DOCK4: variants seen among roughly 807,000 people sequenced by gnomAD.
The protein encoded by DOCK4 is dedicator of cytokinesis protein 4.
In DOCK4, 97 loss-of-function variants were observed where a neutral mutation model predicts 268.1. The ratio of observed to expected loss-of-function variants is 0.36; its 90% CI spans 0.31 to 0.43. DOCK4 has a LOEUF of 0.43. Among genes scored for constraint, DOCK4 ranks in the 20% least tolerant of loss-of-function variants. DOCK4 has a pLI of 1.00. For synonymous variants in DOCK4, 954 were observed against 887.2 expected (o/e 1.08, Z -1.34); for missense variants, 2,145 against 2,455.7 (o/e 0.87, Z 2.67).
chr7:112,003,387 C>G (rs1270527241), intron 2 of DOCK4, among the ~76,000 whole-genome samples: 2 of 151,506 alleles, frequency 1.3e-5, no homozygotes, highest in Non-Finnish European at 2.9e-5. Context: ...GACCCTGTCT[C>G]AAAGAAAAAC....
chr7:111,948,080 AC>A (rs1389814229), intron 8 of DOCK4, among the ~76,000 whole-genome samples: 4 of 152,302 alleles, frequency 2.6e-5, no homozygotes, highest in African/African-American at 9.6e-5. Context: ...TCATCTTGGG[AC>A]AAAGGAATTA....
chr7:111,846,870 C>A, intron 24 of DOCK4, 129 bp downstream of exon 24: 1 of 1,130,162 alleles, frequency 8.8e-7, no homozygotes, highest in Non-Finnish European at 1.2e-6. Flanking sequence ...GCAAAAAGTC[C>A]AGCCCAGCTG....
chr7:112,063,336 T>C (rs1191311158), intron 1 of DOCK4, among the ~76,000 whole-genome samples: 1 of 152,232 alleles, frequency 6.6e-6, no homozygotes, highest in Non-Finnish European at 1.5e-5. Flanking sequence ...CCTCATTTTA[T>C]GATGGGGTTC....
chr7:111,802,982 A>G (rs146992883), intron 30 of DOCK4, among the ~76,000 whole-genome samples: 1 of 152,328 alleles, frequency 6.6e-6, no homozygotes, highest in East Asian at 1.9e-4. Flanking sequence ...TAGAACCCTA[A>G]TGCCTTTATC....
intron 1 of DOCK4, among the ~76,000 whole-genome samples, chr7:112,059,091 C>T (rs1209630724): frequency 1.4e-5 from 2 of 146,616 alleles, no homozygotes; most frequent in Non-Finnish European, 3.0e-5. Flanking sequence ...CTTTTAAGCA[C>T]ATGTAATAAT....
intron 1 of DOCK4, among the ~76,000 whole-genome samples, chr7:112,067,659 G>C (rs1036458484): frequency 6.6e-6 from 1 of 152,176 alleles, no homozygotes; most frequent in East Asian, 1.9e-4. Context: ...GCAGAGATGA[G>C]TTTCCTGCCA....
chr7:111,842,249 G>A (rs973059946), intron 25 of DOCK4, among the ~76,000 whole-genome samples: 4 of 152,154 alleles, frequency 2.6e-5, no homozygotes, highest in African/African-American at 9.7e-5. Flanking sequence ...GCAAGGGCAC[G>A]GTGTAGATTT....
At chr7:111,791,456 T>C (rs1356493066) in intron 30 of DOCK4, among the ~76,000 whole-genome samples, 2 of 151,708 alleles carry the variant, frequency 1.3e-5, no homozygotes, top group Non-Finnish European at 2.9e-5. Flanking sequence ...CTGTTTTTTT[T>C]GTTTTTTTTT....
chr7:111,866,777 CT>C (rs1317135940), intron 22 of DOCK4, among the ~76,000 whole-genome samples: 5 of 152,204 alleles, frequency 3.3e-5, no homozygotes, highest in African/African-American at 1.2e-4. Flanking sequence ...CAAGTTTCAT[CT>C]CTGTAACTGA....
At position 112,018,182 on chromosome 7, in the gene DOCK4, A is replaced by ACC. The variant is rs1802020702; in HGVS notation, c.38-14052_38-14051insGG. On this transcript the variant is annotated intron_variant, in intron 1 of 52. Transcript: ENST00000428084. ...AAAAAAAAAAAAAAAAAAAAAAAACACAGGCAACCAGTATTCATGTGGCTT... is the reference window on the plus strand; with the variant it reads ...AAAAAAAAAAAAAAAAAAAAAAAACACCCAGGCAACCAGTATTCATGTGGCTT... Among the ~76,000 whole-genome samples the ACC allele has an allele frequency of 3.7e-5, 5 of 136,356 alleles. 1 individual carries two copies. Among genetic ancestry groups the ACC allele is most frequent in the Admixed American group, 1.5e-4 (2 of 13,402 alleles). The allele number at this position is 136,356 out of a possible 152,430, so 89.5% of individuals were successfully genotyped here. A position where few individuals can be genotyped will look rare whatever the true frequency, so the allele number is the denominator to read the frequency against.
At chr7:111,995,004 A>G (rs1562971213) in intron 4 of DOCK4, among the ~76,000 whole-genome samples, 1 of 150,970 alleles carries the variant, frequency 6.6e-6, no homozygotes, top group Non-Finnish European at 1.5e-5. Context: ...AATATGCATG[A>G]GGAGATGGGG....
At chr7:112,175,355 C>T in intron 1 of DOCK4, among the ~76,000 whole-genome samples, 1 of 152,130 alleles carries the variant, frequency 6.6e-6, no homozygotes, top group East Asian at 1.9e-4. Flanking sequence ...TTTTAAAAAA[C>T]CTGAAAAAGC....
At chr7:111,909,978 A>T (rs978507358) in intron 13 of DOCK4, among the ~76,000 whole-genome samples, 1 of 138,496 alleles carries the variant, frequency 7.2e-6, no homozygotes, top group African/African-American at 2.9e-5. Context: ...AAGAAAAAAG[A>T]AAAAAAAAAA....
intron 36 of DOCK4, among the ~76,000 whole-genome samples, chr7:111,776,553 C>T (rs951623314): frequency 1.3e-5 from 2 of 152,064 alleles, no homozygotes; most frequent in African/African-American, 2.4e-5. Flanking sequence ...TGGTACAACA[C>T]CAAAAGGCCC....
intron 12 of DOCK4, among the ~76,000 whole-genome samples, chr7:111,929,594 C>T (rs1314261505): frequency 6.6e-6 from 1 of 152,198 alleles, no homozygotes; most frequent in Non-Finnish European, 1.5e-5. Flanking sequence ...AAAATGACTA[C>T]ATTGGTATGT....
chr7:111,856,542 AAAAACAG>A (rs1484248382), intron 23 of DOCK4, among the ~76,000 whole-genome samples: 1 of 152,268 alleles, frequency 6.6e-6, no homozygotes, highest in African/African-American at 2.4e-5. Context: ...CAACAACAAC[AAAAACAG>A]AAAACCCAAA....
chr7:111,834,755 C>T, intron 25 of DOCK4, 69 bp from the exon 26 acceptor site: 1 of 1,033,822 alleles, frequency 9.7e-7, no homozygotes, highest in Non-Finnish European at 1.4e-6. Context: ...CAGTAACTTA[C>T]ACTGAACTGT....
At chr7:112,026,717 C>T (rs1055114665) in intron 1 of DOCK4, among the ~76,000 whole-genome samples, 1 of 152,200 alleles carries the variant, frequency 6.6e-6, no homozygotes, top group Admixed American at 6.5e-5. Context: ...TGCTTTTGCA[C>T]TATAATGACA....
At chr7:112,117,720 G>A (rs952413688) in intron 1 of DOCK4, among the ~76,000 whole-genome samples, 20 of 152,142 alleles carry the variant, frequency 1.3e-4, no homozygotes, top group African/African-American at 3.4e-4. Context: ...TGGATGTTGC[G>A]TCTGTTTGCC....
Sources: gnomAD v4.1 joint callset for allele counts (sites outside exome capture counted in the v4.1 genomes callset) on GRCh38, gnomAD v4.1.1 for gene constraint, MANE v1.5 for transcripts, NCBI Gene and HGNC (gene_info 2026-07-23, HGNC 2026-07-21) for gene names.